N4BP2L1: variants seen among roughly 807,000 people sequenced by gnomAD.
N4BP2L1 encodes the protein NEDD4-binding protein 2-like 1.
In N4BP2L1, 12 loss-of-function variants were observed where a neutral mutation model predicts 21.2. The ratio of observed to expected loss-of-function variants is 0.57; its 90% CI spans 0.36 to 0.92. N4BP2L1 has a LOEUF of 0.92. Ranked by LOEUF, N4BP2L1 falls within the 40% of genes least tolerant of loss-of-function variation. N4BP2L1 has a pLI of 0.01. For synonymous variants in N4BP2L1, 104 were observed against 112.8 expected (o/e 0.92, Z 0.49); for missense variants, 259 against 310.6 (o/e 0.83, Z 1.25).
At chr13:32,407,538 G>T in intron 2 of N4BP2L1, 107 bp downstream of exon 2, 1 of 1,598,786 alleles carries the variant, frequency 6.3e-7, no homozygotes. Context: ...GGGAAAAATT[G>T]GCAGAACTTT....
chr13:32,403,649 T>C lies in N4BP2L1; in HGVS notation c.474-449A>G, dbSNP rs747570491. 1.3e-5 allele frequency: 7 copies of C among 530,228 alleles called. No homozygotes were observed. The East Asian group carries it at 3.8e-4, about 29-fold the overall frequency. The allele number at this position is 530,228 out of a possible 1,614,324, so 32.8% of individuals were successfully genotyped here. ...TCAACTGGGGATATAGTTAGAAATA[T>C]AATTACCAGAGATTCCAACTACTGA... is the stretch of plus-strand genomic sequence containing the variant. On this transcript the variant is annotated intron_variant, in intron 4 of 4. Transcript: ENST00000380130.
At chr13:32,405,116 A>G (rs987059697) in intron 3 of N4BP2L1, among the ~76,000 whole-genome samples, 7 of 152,202 alleles carry the variant, frequency 4.6e-5, no homozygotes, top group Non-Finnish European at 7.3e-5. Context: ...GCGCTTCTCA[A>G]CTGGGAAGGA....
intron 1 of N4BP2L1, chr13:32,425,792 C>G (rs2074728901): frequency 6.6e-6 from 1 of 151,942 alleles, no homozygotes; most frequent in Non-Finnish European, 1.5e-5. Context: ...TCAGAAGGAT[C>G]TTTAATAAAT....
intron 3 of N4BP2L1, among the ~76,000 whole-genome samples, chr13:32,405,562 C>A (rs2137741763): frequency 6.6e-6 from 1 of 152,174 alleles, no homozygotes; most frequent in East Asian, 1.9e-4. Flanking sequence ...TCAGTTAGTC[C>A]TTAAGTCTTG....
chr13:32,415,697 A>G (rs2074098286), intron 1 of N4BP2L1, among the ~76,000 whole-genome samples: 1 of 152,116 alleles, frequency 6.6e-6, no homozygotes, highest in South Asian at 2.1e-4. Context: ...CTTTTATATC[A>G]TAGAGAGGAA....
intron 1 of N4BP2L1, among the ~76,000 whole-genome samples, chr13:32,420,861 T>G (rs2074435669): frequency 6.6e-6 from 1 of 151,640 alleles, no homozygotes; most frequent in Non-Finnish European, 1.5e-5. Flanking sequence ...GCCCAGCTAA[T>G]TTTTTGCATT....
At chr13:32,404,284 G>A in intron 4 of N4BP2L1, 37 bp downstream of exon 4, 1 of 1,590,104 alleles carries the variant, frequency 6.3e-7, no homozygotes, top group South Asian at 1.1e-5. Flanking sequence ...GAAAATAGCA[G>A]GATACATAAT....
chr13:32,419,446 T>TTTTTTTTTTTTC (rs2074346549), intron 1 of N4BP2L1: 1 of 319,850 alleles, frequency 3.1e-6, no homozygotes, highest in Admixed American at 4.0e-5. Context: ...TTTTTTTTTT[T>TTTTTTTTTTTTC]TGTATTTTAC....
intron 1 of N4BP2L1, among the ~76,000 whole-genome samples, chr13:32,426,285 G>A (rs1593327508): frequency 6.6e-6 from 1 of 152,272 alleles, no homozygotes; most frequent in Middle Eastern, 3.4e-3. Flanking sequence ...TCAGCAAAGC[G>A]AAAGTGAAAT....
At chr13:32,411,324 ATTTTTT>A (rs3072043) in intron 1 of N4BP2L1, among the ~76,000 whole-genome samples, 3 of 141,068 alleles carry the variant, frequency 2.1e-5, no homozygotes, top group Non-Finnish European at 3.1e-5. Flanking sequence ...AAGGCCAAGG[ATTTTTT>A]TTTTTTTTTT....
At chr13:32,407,463 A>T in intron 2 of N4BP2L1, 125 bp from the exon 3 acceptor site, 1 of 1,581,370 alleles carries the variant, frequency 6.3e-7, no homozygotes. Flanking sequence ...TTCAGAGCCC[A>T]CTATCAATCA....
chr13:32,405,931 C>T (rs899351087), intron 3 of N4BP2L1, among the ~76,000 whole-genome samples: 1 of 118,064 alleles, frequency 8.5e-6, no homozygotes, highest in Non-Finnish European at 1.6e-5. Context: ...GAGACAGAGT[C>T]TCGCTCTTTC....
intron 1 of N4BP2L1, among the ~76,000 whole-genome samples, chr13:32,414,889 G>A (rs2074044291): frequency 6.6e-6 from 1 of 152,174 alleles, no homozygotes. Context: ...AGCTCTTGCA[G>A]ATCTGAGAAA....
At chr13:32,407,587 C>A in intron 2 of N4BP2L1, 58 bp downstream of exon 2, 1 of 1,607,418 alleles carries the variant, frequency 6.2e-7, no homozygotes, top group Non-Finnish European at 8.5e-7. Context: ...CATTCTGCAG[C>A]AGCTACAATC....
chr13:32,428,189 G>A, upstream of N4BP2L1: 1 of 1,192,732 alleles, frequency 8.4e-7, no homozygotes, highest in Non-Finnish European at 1.1e-6. Context: ...GGATAGAGGG[G>A]CGGGCGCTGG....
chr13:32,427,833 C>G, intron 1 of N4BP2L1, 71 bp downstream of exon 1: 1 of 1,097,056 alleles, frequency 9.1e-7, no homozygotes, highest in Non-Finnish European at 1.2e-6. Flanking sequence ...CGGCTTGGGG[C>G]AGGGGTGCGC....
intron 1 of N4BP2L1, among the ~76,000 whole-genome samples, chr13:32,426,732 C>T (rs777590360): frequency 4.6e-5 from 7 of 152,182 alleles, no homozygotes; most frequent in Non-Finnish European, 1.0e-4. Context: ...AAAGGGACCA[C>T]TTCCTCTACT....
chr13:32,403,219 C>T lies in N4BP2L1; in HGVS notation c.474-19G>A, dbSNP rs1324060424. 1.3e-6 allele frequency: 2 copies of T among 1,574,306 alleles called. No homozygotes were observed. The highest frequency in any genetic ancestry group is 1.7e-6 in the Non-Finnish European group (2 of 1,160,140). On this transcript the variant is annotated intron_variant, in intron 4 of 4. Coordinates refer to ENST00000380130, the MANE Select transcript of N4BP2L1 (RefSeq NM_052818.3). ...GTTTCTTCTACATGGAAAAAAAATG[C>T]ATTTAGTTAAGGCAGGATACCACAA...
intron 1 of N4BP2L1, among the ~76,000 whole-genome samples, chr13:32,409,594 C>T (rs1003082617): frequency 6.6e-6 from 1 of 152,204 alleles, no homozygotes; most frequent in Non-Finnish European, 1.5e-5. Flanking sequence ...GAATTCATGG[C>T]CCAGCCAAAG....
Sources: gnomAD v4.1 joint callset for allele counts (sites outside exome capture counted in the v4.1 genomes callset) on GRCh38, gnomAD v4.1.1 for gene constraint, MANE v1.5 for transcripts, NCBI Gene and HGNC (gene_info 2026-07-23, HGNC 2026-07-21) for gene names.